BOLL: variants seen among roughly 807,000 people sequenced by gnomAD.
BOLL encodes the protein boule RNA binding protein.
A neutral mutation model predicts 44.4 loss-of-function variants in BOLL; 23 were observed. That is an observed-to-expected ratio of 0.52 (90% CI 0.37 to 0.73). The LOEUF is 0.73. Among genes scored for constraint, BOLL ranks in the 30% least tolerant of loss-of-function variants. The pLI, the probability that BOLL is intolerant of heterozygous loss-of-function variation, is 0.00. For missense variants in BOLL, 287 were observed against 338.3 expected (o/e 0.85, Z 1.19); for synonymous variants, 97 against 110.8 (o/e 0.88, Z 0.78).
At chr2:197,743,819 T>C (rs1474655267) in intron 9 of BOLL, among the ~76,000 whole-genome samples, 3 of 152,134 alleles carry the variant, frequency 2.0e-5, no homozygotes. Context: ...CATTCTTTTT[T>C]CTTTTTTTTT....
chr2:197,729,370 C>T (rs1218078478), intron 10 of BOLL, among the ~76,000 whole-genome samples: 5 of 152,166 alleles, frequency 3.3e-5, no homozygotes, highest in Admixed American at 1.3e-4. Context: ...AACTGCAAGG[C>T]GGCAGCGAGG....
chr2:197,742,000 G>A (rs1687759389), intron 10 of BOLL, among the ~76,000 whole-genome samples: 1 of 152,154 alleles, frequency 6.6e-6, no homozygotes, highest in East Asian at 1.9e-4. Context: ...AAAAGTGGGT[G>A]AAGGATATTA....
intron 9 of BOLL, among the ~76,000 whole-genome samples, chr2:197,745,036 A>T (rs1040049922): frequency 3.3e-5 from 5 of 152,206 alleles, no homozygotes; most frequent in African/African-American, 9.6e-5. Flanking sequence ...AGGATGAGTT[A>T]CGATACAGGT....
intron 1 of BOLL, among the ~76,000 whole-genome samples, chr2:197,784,391 CATATATATATATATATATATAT>C (rs60865376): frequency 0.051 from 2,822 of 54,968 alleles, 112 homozygotes; most frequent in Middle Eastern, 0.091. Context: ...CAGTCTAATA[CATATATATATATATATATATAT>C]ATATATATAT....
intron 9 of BOLL, among the ~76,000 whole-genome samples, chr2:197,751,244 A>C (rs377658034): frequency 6.6e-6 from 1 of 152,286 alleles, no homozygotes; most frequent in African/African-American, 2.4e-5. Context: ...AGAACTAGAG[A>C]AGCAAGATCA....
chr2:197,736,220 C>G (rs887558070), intron 10 of BOLL, among the ~76,000 whole-genome samples: 1 of 151,906 alleles, frequency 6.6e-6, no homozygotes, highest in African/African-American at 2.4e-5. Context: ...AAATTCATAC[C>G]CTTTATCTAA....
Position 197,760,035 on chromosome 2 carries a change from G to A in BOLL, c.553-2635C>T, listed in dbSNP as rs76650993. 7.1e-3 allele frequency among the ~76,000 whole-genome samples: 1,084 copies of A among 152,170 alleles called. 22 individuals are homozygous for A. Among genetic ancestry groups the A allele is most frequent in the African/African-American group, 0.024 (1,015 of 41,522 alleles). ...TCGTGCCCACCCCTCCAGCAGACACGTCCCCAGGACAGCTGAGCAGCCTGG... is the reference window on the plus strand; with the variant it reads ...TCGTGCCCACCCCTCCAGCAGACACATCCCCAGGACAGCTGAGCAGCCTGG... On this transcript the variant is annotated intron_variant, in intron 7 of 10. Coordinates refer to ENST00000392296, the MANE Select transcript of BOLL (RefSeq NM_033030.6).
At chr2:197,753,139 A>G (rs948268812) in intron 9 of BOLL, among the ~76,000 whole-genome samples, 3 of 152,246 alleles carry the variant, frequency 2.0e-5, no homozygotes, top group Admixed American at 1.3e-4. Context: ...CTTACACCTT[A>G]TACAAAAATT....
chr2:197,751,060 T>A (rs1688220750), intron 9 of BOLL, among the ~76,000 whole-genome samples: 1 of 152,056 alleles, frequency 6.6e-6, no homozygotes, highest in Non-Finnish European at 1.5e-5. Context: ...GGATAAATTA[T>A]GAAATTAAGG....
Position 197,751,324 on chromosome 2 carries a change from C to T in BOLL, c.729+5104G>A, listed in dbSNP as rs138312264. On this transcript the variant is annotated intron_variant, in intron 9 of 10. Transcript: ENST00000392296. ...AGCAGAACTGAGGGAGATAGAGACA[C>T]GAAAAACCCTTCAAAAAAAATCAAT... Among the ~76,000 whole-genome samples, 784 of 150,706 alleles carry T rather than the reference C, an allele frequency of 5.2e-3. 9 individuals are homozygous for T. Among genetic ancestry groups the T allele is most frequent in the African/African-American group, 0.018 (728 of 41,384 alleles).
At chr2:197,782,847 T>A (rs952608330) in intron 1 of BOLL, among the ~76,000 whole-genome samples, 2 of 152,222 alleles carry the variant, frequency 1.3e-5, no homozygotes, top group Admixed American at 6.5e-5. Context: ...AAAAATTATA[T>A]ACTTGTAGCT....
At chr2:197,777,807 C>T (rs999667944) in intron 3 of BOLL, among the ~76,000 whole-genome samples, 1 of 151,774 alleles carries the variant, frequency 6.6e-6, no homozygotes, top group Non-Finnish European at 1.5e-5. Context: ...AACATAATTG[C>T]TATTTAGATA....
At chr2:197,784,925 T>A (rs1215282409) in intron 1 of BOLL, 131 bp downstream of exon 1, 2 of 986,536 alleles carry the variant, frequency 2.0e-6, no homozygotes, top group East Asian at 1.1e-4. Context: ...TGCTAAAACT[T>A]CCAGCACTAG....
upstream of BOLL, chr2:197,786,070 G>T: frequency 1.3e-6 from 2 of 1,573,754 alleles, no homozygotes; most frequent in Non-Finnish European, 1.7e-6. The surrounding 1 kb of genome is among the most constrained non-coding windows in gnomAD (Gnocchi z 5.9). Flanking sequence ...CCACCTTCAC[G>T]CCAAGGCAGC....
At position 197,727,997 on chromosome 2, in the gene BOLL, A is replaced by G. The variant is rs370062869; in HGVS notation, c.*558T>C. 6.6e-6 allele frequency: 1 copy of G among 152,546 alleles called. No individual in the cohort carries two copies. The highest frequency in any genetic ancestry group is 2.4e-5 in the African/African-American group (1 of 41,462). 9.4% of individuals were successfully genotyped at this position (152,546 alleles called of 1,614,324 possible). A position where few individuals can be genotyped will look rare whatever the true frequency, so the allele number is the denominator to read the frequency against. ...ATGGCAGACGCAAAATTAAATAAGGAGTAACAGTAATAAATGAATTAAAAA... is the reference window on the plus strand; with the variant it reads ...ATGGCAGACGCAAAATTAAATAAGGGGTAACAGTAATAAATGAATTAAAAA... On this transcript the variant is annotated 3_prime_UTR_variant, in exon 11 of 11. Transcript: ENST00000392296.
At chr2:197,728,895 G>T (rs955017876) in intron 10 of BOLL, among the ~76,000 whole-genome samples, 1 of 152,182 alleles carries the variant, frequency 6.6e-6, no homozygotes, top group African/African-American at 2.4e-5. Flanking sequence ...CTATTAGGTG[G>T]GTCTTAAAAA....
chr2:197,777,166 T>G, intron 3 of BOLL, 53 bp from the exon 4 acceptor site: 1 of 1,207,512 alleles, frequency 8.3e-7, no homozygotes, highest in Non-Finnish European at 1.1e-6. Flanking sequence ...GAATGTTATA[T>G]TAATTATATT....
At chr2:197,754,302 G>A (rs1402295598) in intron 9 of BOLL, among the ~76,000 whole-genome samples, 5 of 151,984 alleles carry the variant, frequency 3.3e-5, no homozygotes, top group African/African-American at 1.2e-4. Flanking sequence ...AAATGGTCCT[G>A]GGAAAACTGT....
At chr2:197,762,048 A>G (rs1688782166) in intron 7 of BOLL, among the ~76,000 whole-genome samples, 1 of 152,208 alleles carries the variant, frequency 6.6e-6, no homozygotes, top group African/African-American at 2.4e-5. Flanking sequence ...CAGATTATCT[A>G]GAAAGAAAAT....
Sources: gnomAD v4.1 joint callset for allele counts (sites outside exome capture counted in the v4.1 genomes callset) on GRCh38, gnomAD v4.1.1 for gene constraint, Gnocchi (gnomAD v3.1) non-coding constraint, MANE v1.5 for transcripts, NCBI Gene and HGNC (gene_info 2026-07-23, HGNC 2026-07-21) for gene names.